XPR1: variants seen among roughly 807,000 people sequenced by gnomAD.
XPR1 encodes xenotropic and polytropic retrovirus receptor 1, also known as solute carrier family 53 member 1.
A neutral mutation model predicts 87.5 loss-of-function variants in XPR1; 28 were observed. The observed-to-expected ratio is 0.32, with a 90% CI of 0.24 to 0.44. XPR1 has a LOEUF of 0.44. XPR1 is among the 20% of genes least tolerant of loss of function. The pLI, the probability that XPR1 is intolerant of heterozygous loss-of-function variation, is 1.00. For synonymous variants in XPR1, 300 were observed against 306.1 expected (o/e 0.98, Z 0.21); for missense variants, 559 against 862.3 (o/e 0.65, Z 4.41).
Position 180,632,182 on chromosome 1 carries a change from A to G in XPR1, c.-20A>G. ...CCTGTAGCTGCTGGACCCGAGTGGG[A>G]GTGAGGGGGAAACGGCAGGATGAAG... On this transcript the variant is annotated 5_prime_UTR_variant, in exon 1 of 15. Transcript: ENST00000367590. The G allele has an allele frequency of 6.3e-7, 1 of 1,599,886 alleles. No homozygotes were observed. The highest frequency in any genetic ancestry group is 8.5e-7 in the Non-Finnish European group (1 of 1,173,506).
chr1:180,797,935 T>C (rs1455435938), intron 3 of XPR1, among the ~76,000 whole-genome samples: 1 of 152,154 alleles, frequency 6.6e-6, no homozygotes. Flanking sequence ...TTCTATACTG[T>C]TTTGATCCTA....
intron 1 of XPR1, among the ~76,000 whole-genome samples, chr1:180,682,009 T>A (rs956581668): frequency 6.6e-6 from 1 of 152,202 alleles, no homozygotes; most frequent in African/African-American, 2.4e-5. Context: ...TTCCTGATAG[T>A]TTCTTATGCA....
chr1:180,747,573 T>C (rs1389708055), intron 2 of XPR1, among the ~76,000 whole-genome samples: 1 of 152,224 alleles, frequency 6.6e-6, no homozygotes, highest in Non-Finnish European at 1.5e-5. Context: ...GATAAGTTGA[T>C]TGGAATTTAG....
At chr1:180,830,800 G>A (rs1273141545) in intron 9 of XPR1, among the ~76,000 whole-genome samples, 1 of 152,140 alleles carries the variant, frequency 6.6e-6, no homozygotes, top group African/African-American at 2.4e-5. Context: ...TCTGGTAATT[G>A]CATTGGTACC....
chr1:180,763,861 A>G (rs1648157112), intron 2 of XPR1, among the ~76,000 whole-genome samples: 1 of 152,184 alleles, frequency 6.6e-6, no homozygotes, highest in South Asian at 2.1e-4. Context: ...GTTGCTTCCA[A>G]TATTTTATCT....
At chr1:180,797,685 G>A (rs1649636861) in intron 3 of XPR1, among the ~76,000 whole-genome samples, 1 of 152,120 alleles carries the variant, frequency 6.6e-6, no homozygotes, top group South Asian at 2.1e-4. Context: ...TTTTTAGTCA[G>A]CAGAATAATT....
chr1:180,669,413 C>T lies in XPR1; in HGVS notation c.70-12947C>T, dbSNP rs150442241. ...TTCTTTTTTTGTAGAGATGGAGTCTCGCTGTGTCTCCCAGGCTGGAGTGCA... is the reference window on the plus strand; with the variant it reads ...TTCTTTTTTTGTAGAGATGGAGTCTTGCTGTGTCTCCCAGGCTGGAGTGCA... On this transcript the variant is annotated intron_variant, in intron 1 of 14. Transcript: ENST00000367590. Among the ~76,000 whole-genome samples the T allele has an allele frequency of 3.5e-4, 53 of 152,030 alleles. No homozygotes were observed. The East Asian group carries it at 7.4e-3, about 21-fold the overall frequency.
chr1:180,707,258 G>A (rs930878073), intron 2 of XPR1, among the ~76,000 whole-genome samples: 1 of 151,986 alleles, frequency 6.6e-6, no homozygotes, highest in Non-Finnish European at 1.5e-5. Context: ...TAAATCATGG[G>A]GATTTGTTGT....
At chr1:180,858,353 G>GT (rs919724906) in intron 11 of XPR1, among the ~76,000 whole-genome samples, 2 of 152,094 alleles carry the variant, frequency 1.3e-5, no homozygotes, top group South Asian at 2.1e-4. Flanking sequence ...AACCACTTCT[G>GT]TTTTTTTCCC....
chr1:180,722,251 A>G (rs2101998387), intron 2 of XPR1, among the ~76,000 whole-genome samples: 1 of 152,144 alleles, frequency 6.6e-6, no homozygotes, highest in East Asian at 1.9e-4. Context: ...GCCCGCCACC[A>G]CACCCGGCTA....
At chr1:180,816,925 A>C (rs1650431380) in intron 7 of XPR1, among the ~76,000 whole-genome samples, 1 of 152,188 alleles carries the variant, frequency 6.6e-6, no homozygotes, top group Admixed American at 6.6e-5. Context: ...TTCCAGAAGA[A>C]GGCATTAATA....
intron 11 of XPR1, among the ~76,000 whole-genome samples, chr1:180,842,527 T>C (rs905028430): frequency 5.9e-5 from 9 of 152,214 alleles, no homozygotes; most frequent in Non-Finnish European, 1.0e-4. Flanking sequence ...CAAAGGAATT[T>C]AGCTAGTAGC....
chr1:180,810,777 GTATATATATATGTGTATA>G (rs1650181980), intron 6 of XPR1, among the ~76,000 whole-genome samples: 1 of 150,910 alleles, frequency 6.6e-6, no homozygotes, highest in Non-Finnish European at 1.5e-5. Flanking sequence ...AAACTCATAT[GTATATATATATGTGTATA>G]TATGTATATA....
At chr1:180,853,832 G>A (rs1486824492) in intron 11 of XPR1, among the ~76,000 whole-genome samples, 1 of 96,252 alleles carries the variant, frequency 1.0e-5, no homozygotes, top group Non-Finnish European at 2.3e-5. Context: ...TATTTTGTTC[G>A]TTTTTCTTGA....
intron 2 of XPR1, among the ~76,000 whole-genome samples, chr1:180,719,122 A>G (rs1466170353): frequency 1.3e-5 from 2 of 152,236 alleles, no homozygotes; most frequent in East Asian, 1.9e-4. Context: ...AATGATCTGC[A>G]TTTGTAAAAT....
intron 2 of XPR1, among the ~76,000 whole-genome samples, chr1:180,771,576 T>G (rs989396095): frequency 2.6e-5 from 4 of 152,204 alleles, no homozygotes; most frequent in African/African-American, 9.6e-5. Flanking sequence ...GATCTCACGT[T>G]GCATTTGGTT....
chr1:180,840,521 G>A (rs983278086), intron 11 of XPR1, among the ~76,000 whole-genome samples: 6 of 112,062 alleles, frequency 5.4e-5, no homozygotes, highest in African/African-American at 1.8e-4. Flanking sequence ...TTTGACTTCA[G>A]GTTAACATAT....
chr1:180,817,743 A>T (rs910119759), intron 7 of XPR1, among the ~76,000 whole-genome samples: 1 of 152,214 alleles, frequency 6.6e-6, no homozygotes, highest in Non-Finnish European at 1.5e-5. Flanking sequence ...ATTTACATGG[A>T]GTTCAAAAAA....
At position 180,787,890 on chromosome 1, in the gene XPR1, G is replaced by T. The variant is rs1177797003; in HGVS notation, c.223+36G>T. On this transcript the variant is annotated intron_variant, in intron 3 of 14. Transcript: ENST00000367590. Reference sequence around the variant, plus strand: ...AAGAGACTTTTTTTTTTGCTGCCGGGGAAGGATAAATTGTACCATATCATT... The same window carrying T: ...AAGAGACTTTTTTTTTTGCTGCCGGTGAAGGATAAATTGTACCATATCATT... 4 of 1,450,060 alleles carry T rather than the reference G, an allele frequency of 2.8e-6. No homozygotes were observed. In the East Asian group the frequency reaches 9.1e-5, roughly 33 times the overall value. 89.8% of individuals were successfully genotyped at this position (1,450,060 alleles called of 1,614,324 possible).
Sources: gnomAD v4.1 joint callset for allele counts (sites outside exome capture counted in the v4.1 genomes callset) on GRCh38, gnomAD v4.1.1 for gene constraint, MANE v1.5 for transcripts, NCBI Gene and HGNC (gene_info 2026-07-23, HGNC 2026-07-21) for gene names.